The following APLF variants were observed in gnomAD, a reference collection of about 807,000 sequenced individuals.
APLF encodes aprataxin and PNK-like factor.
In APLF, 61 loss-of-function variants were observed where a neutral mutation model predicts 55.6. That is an observed-to-expected ratio of 1.10 (90% CI 0.89 to 1.36). The LOEUF is 1.36. Ranked by LOEUF, APLF falls within the 40% of genes most tolerant of loss-of-function variation. APLF has a pLI of 0.00. For missense variants in APLF, 611 were observed against 602.5 expected, an observed-to-expected ratio of 1.01 and a Z score of -0.15; for synonymous variants, 207 against 214.8, an observed-to-expected ratio of 0.96 and a Z score of 0.32.
chr2:68,474,691 G>T (rs566868168), intron 1 of APLF, among the ~76,000 whole-genome samples: 1 of 152,142 alleles, frequency 6.6e-6, no homozygotes, highest in South Asian at 2.1e-4. Context: ...TTTTTGAGAT[G>T]GAGTTTTGTT....
intron 2 of APLF, among the ~76,000 whole-genome samples, chr2:68,498,941 C>T (rs755415481): frequency 6.6e-6 from 1 of 151,728 alleles, no homozygotes; most frequent in Non-Finnish European, 1.5e-5. Flanking sequence ...TTTTTCTTCT[C>T]ATGAAATTAA....
At chr2:68,554,545 T>G (rs1018874118) in intron 8 of APLF, among the ~76,000 whole-genome samples, 6 of 152,160 alleles carry the variant, frequency 3.9e-5, no homozygotes, top group African/African-American at 1.4e-4. Flanking sequence ...GGGATGTGTT[T>G]CCATTTGTTT....
At chr2:68,564,392 A>T (rs147263366) in intron 8 of APLF, among the ~76,000 whole-genome samples, 105 of 152,186 alleles carry the variant, frequency 6.9e-4, no homozygotes, top group African/African-American at 2.5e-3. Flanking sequence ...TTAACTGTGG[A>T]GTTACACTTT....
intron 9 of APLF, among the ~76,000 whole-genome samples, chr2:68,568,965 T>G (rs1671382700): frequency 6.6e-6 from 1 of 152,100 alleles, no homozygotes; most frequent in Non-Finnish European, 1.5e-5. Context: ...ACCTAAAAAT[T>G]GGGGATTTTG....
At chr2:68,517,834 T>C (rs1669672879) in intron 5 of APLF, among the ~76,000 whole-genome samples, 1 of 144,922 alleles carries the variant, frequency 6.9e-6, no homozygotes, top group Non-Finnish European at 1.5e-5. Flanking sequence ...TGTTAATATA[T>C]AGCAGTAATA....
At chr2:68,530,585 A>G (rs1670226783) in intron 6 of APLF, among the ~76,000 whole-genome samples, 1 of 152,214 alleles carries the variant, frequency 6.6e-6, no homozygotes, top group South Asian at 2.1e-4. Flanking sequence ...TCTTCCTGGA[A>G]TGTGTCTAGA....
intron 2 of APLF, among the ~76,000 whole-genome samples, chr2:68,497,996 T>G (rs954169290): frequency 1.4e-5 from 2 of 146,606 alleles, no homozygotes; most frequent in Admixed American, 6.6e-5. Context: ...TGAAATAGAT[T>G]GATGTATTTA....
intron 1 of APLF, among the ~76,000 whole-genome samples, chr2:68,472,181 G>A (rs1675637820): frequency 6.6e-6 from 1 of 152,176 alleles, no homozygotes; most frequent in Non-Finnish European, 1.5e-5. Flanking sequence ...GAGATAGCAG[G>A]TTGTAAAATG....
intron 8 of APLF, chr2:68,563,406 A>G: frequency 1.0e-6 from 1 of 964,208 alleles, no homozygotes; most frequent in Non-Finnish European, 1.2e-6. Flanking sequence ...CCTAAGTAGG[A>G]TGTGAGGTTG....
intron 9 of APLF, among the ~76,000 whole-genome samples, chr2:68,572,887 C>T (rs963856294): frequency 2.6e-5 from 4 of 152,106 alleles, no homozygotes; most frequent in African/African-American, 9.7e-5. Context: ...GATTTTTCTC[C>T]ATGCAAAATC....
chr2:68,545,351 C>T (rs770672245), intron 8 of APLF, 39 bp downstream of exon 8: 18 of 1,585,910 alleles, frequency 1.1e-5, no homozygotes, highest in Middle Eastern at 1.7e-4. Context: ...CCTTTTCTTT[C>T]TTATCTCTGT....
chr2:68,564,920 C>T (rs915299654), intron 8 of APLF, among the ~76,000 whole-genome samples: 2 of 151,922 alleles, frequency 1.3e-5, no homozygotes, highest in Non-Finnish European at 2.9e-5. Flanking sequence ...AACTGTTGTC[C>T]AATATGATAG....
intron 5 of APLF, among the ~76,000 whole-genome samples, chr2:68,518,748 AAT>A (rs1491158424): frequency 8.9e-6 from 1 of 112,112 alleles, no homozygotes; most frequent in African/African-American, 3.9e-5. Flanking sequence ...ATATATCATT[AAT>A]ATATAATAAA....
At chr2:68,572,958 CTTGGGATAAGAACTAACAG>C (rs1432599525) in intron 9 of APLF, among the ~76,000 whole-genome samples, 2 of 152,096 alleles carry the variant, frequency 1.3e-5, no homozygotes, top group Non-Finnish European at 2.9e-5. Context: ...AGACTTAGTT[CTTGGGATAAGAACTAACAG>C]TGAAATTTTA....
At chr2:68,556,009 T>C (rs1005391044) in intron 8 of APLF, among the ~76,000 whole-genome samples, 1 of 152,194 alleles carries the variant, frequency 6.6e-6, no homozygotes, top group Non-Finnish European at 1.5e-5. Flanking sequence ...GATGGAATAC[T>C]ACTCAACTGT....
At position 68,513,602 on chromosome 2, in the gene APLF, A is replaced by G; in HGVS notation, c.544A>G (p.Arg182Gly). ...CNKQQPILAE[R>G]KRILPTWMLA... is the part of the protein sequence containing the mutation. ...TAAGCAGCAGCCAATCCTTGCCGAG[A>G]GGAAAAGAATCCTTCCAACTTGGAT... is the stretch of plus-strand genomic sequence containing the variant. The change falls in exon 5 of 10, where the codon AGG becomes GGG. Residue 182 changes from arginine to glycine, a missense_variant. Coordinates refer to ENST00000303795, the MANE Select transcript of APLF (RefSeq NM_173545.3). 1.5e-5 allele frequency: 24 copies of G among 1,611,606 alleles called. No homozygotes were observed. Among genetic ancestry groups the G allele is most frequent in the Non-Finnish European group, 2.0e-5 (24 of 1,178,346 alleles).
chr2:68,574,269 C>A (rs1671562372), intron 9 of APLF, among the ~76,000 whole-genome samples: 1 of 152,064 alleles, frequency 6.6e-6, no homozygotes, highest in Admixed American at 6.6e-5. Flanking sequence ...TCAGACTCTA[C>A]TAGCAATTTT....
intron 5 of APLF, among the ~76,000 whole-genome samples, chr2:68,519,136 A>G (rs1669811432): frequency 7.4e-6 from 1 of 135,562 alleles, no homozygotes; most frequent in African/African-American, 2.7e-5. Flanking sequence ...ATAATTTGAC[A>G]TTTTATATAT....
At chr2:68,525,771 A>T in intron 5 of APLF, among the ~76,000 whole-genome samples, 1 of 99,386 alleles carries the variant, frequency 1.0e-5, no homozygotes, top group South Asian at 2.6e-4. Flanking sequence ...TTTTTTTAAC[A>T]CAGAGGCTCG....
Sources: allele counts gnomAD v4.1 joint callset (sites outside exome capture counted in the v4.1 genomes callset), GRCh38; gene constraint gnomAD v4.1.1; transcripts MANE v1.5; gene names NCBI Gene and HGNC (gene_info 2026-07-23, HGNC 2026-07-21).